Variants in KSR2 observed in about 807,000 individuals in gnomAD.
KSR2 encodes the protein kinase suppressor of ras 2.
In KSR2, 25 loss-of-function variants were observed where a neutral mutation model predicts 107.8. The ratio of observed to expected loss-of-function variants is 0.23; its 90% CI spans 0.17 to 0.32. The LOEUF (loss-of-function observed/expected upper bound fraction) is 0.32. KSR2 is among the 10% of genes least tolerant of loss of function. The probability of loss-of-function intolerance (pLI) is 1.00; values close to 1 mark genes in which losing one functional copy is unlikely to be tolerated. For synonymous variants in KSR2, 480 were observed against 507.0 expected (o/e 0.95, Z 0.71); for missense variants, 887 against 1,268.9 (o/e 0.70, Z 4.57).
chr12:117,559,899 C>T (rs1157492133), intron 7 of KSR2, among the ~76,000 whole-genome samples: 3 of 152,202 alleles, frequency 2.0e-5, no homozygotes, highest in Admixed American at 2.0e-4. Context: ...ACATACCAGT[C>T]TAACTTCCAG....
intron 1 of KSR2, among the ~76,000 whole-genome samples, chr12:117,941,899 T>A (rs1330984004): frequency 6.8e-6 from 1 of 146,784 alleles, no homozygotes; most frequent in Non-Finnish European, 1.5e-5. Flanking sequence ...TGCCTCAGCC[T>A]CCCAGAGTGC....
At chr12:117,880,230 T>C (rs891504309) in intron 1 of KSR2, among the ~76,000 whole-genome samples, 7 of 152,240 alleles carry the variant, frequency 4.6e-5, no homozygotes, top group African/African-American at 1.7e-4. Flanking sequence ...AATGAATTTT[T>C]GCTTTAATAA....
chr12:117,815,990 AGTGTGTGTGTGT>A (rs35013081), intron 3 of KSR2, among the ~76,000 whole-genome samples: 7,948 of 113,656 alleles, frequency 0.07, 326 homozygotes, highest in East Asian at 0.2. Flanking sequence ...AAAAAAATAA[AGTGTGTGTGTGT>A]GTGTGTGTGT....
intron 5 of KSR2, among the ~76,000 whole-genome samples, chr12:117,614,225 C>T (rs1322345335): frequency 6.6e-6 from 1 of 152,076 alleles, no homozygotes; most frequent in African/African-American, 2.4e-5. Flanking sequence ...CAGAAAAAAA[C>T]TTAAAAAGGA....
intron 3 of KSR2, among the ~76,000 whole-genome samples, chr12:117,836,250 A>C (rs768498332): frequency 3.3e-5 from 5 of 152,124 alleles, no homozygotes; most frequent in Admixed American, 2.6e-4. Context: ...AACTGTCGGT[A>C]CCCATCATGG....
intron 5 of KSR2, among the ~76,000 whole-genome samples, chr12:117,604,824 G>A (rs1367365745): frequency 1.3e-5 from 2 of 152,174 alleles, no homozygotes; most frequent in Non-Finnish European, 2.9e-5. Flanking sequence ...TGGAAACTAT[G>A]CACCCATCTG....
intron 5 of KSR2, among the ~76,000 whole-genome samples, chr12:117,590,336 G>C (rs1880246489): frequency 6.6e-6 from 1 of 152,168 alleles, no homozygotes; most frequent in African/African-American, 2.4e-5. Context: ...GTGCAGTGTG[G>C]GAGAGAGAGC....
chr12:117,635,359 C>T (rs906545522), intron 5 of KSR2, among the ~76,000 whole-genome samples: 1 of 152,100 alleles, frequency 6.6e-6, no homozygotes, highest in South Asian at 2.1e-4. Context: ...AGATGAATAA[C>T]CTAGAAGTTA....
intron 14 of KSR2, among the ~76,000 whole-genome samples, chr12:117,499,223 C>A (rs1873220480): frequency 1.3e-5 from 2 of 152,362 alleles, no homozygotes; most frequent in Admixed American, 1.3e-4. Context: ...AAACTGTACA[C>A]ATATATCACC....
chr12:117,747,433 G>A (rs919605503), intron 4 of KSR2, among the ~76,000 whole-genome samples: 4 of 151,796 alleles, frequency 2.6e-5, no homozygotes, highest in Non-Finnish European at 5.9e-5. Flanking sequence ...GGGCCTGTTG[G>A]GGGGTGGGGG....
At chr12:117,610,690 G>A (rs1881542459) in intron 5 of KSR2, among the ~76,000 whole-genome samples, 1 of 143,876 alleles carries the variant, frequency 7.0e-6, no homozygotes, top group Non-Finnish European at 1.5e-5. Flanking sequence ...AGTGAGCCAT[G>A]ATTGCACCAC....
rs59506127 is a variant in KSR2 at position 117,559,041 on chromosome 12, A to AGGATGGATGGATGGAT, written c.1326-484_1326-469dup. Among the ~76,000 whole-genome samples, 53 of 145,456 alleles carry AGGATGGATGGATGGAT rather than the reference A, an allele frequency of 3.6e-4. No homozygotes were observed. In the East Asian group the frequency reaches 6.4e-3, roughly 18 times the overall value. ...ATAAATGGATAGATGGATGGATGGA[A>AGGATGGATGGATGGAT]GGATGGATGGATGGATGGATGGATG... On this transcript the variant is annotated intron_variant, in intron 7 of 19. Coordinates refer to ENST00000339824, the MANE Select transcript of KSR2 (RefSeq NM_173598.6).
chr12:117,501,420 C>T (rs1158122511), intron 14 of KSR2, among the ~76,000 whole-genome samples: 1 of 152,196 alleles, frequency 6.6e-6, no homozygotes, highest in East Asian at 1.9e-4. Context: ...CAATTTCAGC[C>T]ATTCTCCTCT....
intron 1 of KSR2, among the ~76,000 whole-genome samples, chr12:117,916,046 C>T (rs190084497): frequency 5.3e-5 from 8 of 151,744 alleles, no homozygotes; most frequent in South Asian, 4.2e-4. Context: ...AACTAGGACA[C>T]GTGAAATTTT....
chr12:117,968,679 T>G lies in KSR2; in HGVS notation c.-424A>C. The stretch of plus-strand genomic sequence containing the variant: ...AGGAGGAGGAGAAGGAAAATAGCGC[T>G]CACTCTTTACACACCGGCTCCTTGA... On this transcript the variant is annotated 5_prime_UTR_variant, in exon 1 of 20. Coordinates refer to ENST00000339824, the MANE Select transcript of KSR2 (RefSeq NM_173598.6). 1 of 181,070 alleles carries G rather than the reference T, an allele frequency of 5.5e-6. No homozygotes were observed. The highest frequency in any genetic ancestry group is 1.1e-5 in the Non-Finnish European group (1 of 88,114). 11.2% of individuals were successfully genotyped at this position (181,070 alleles called of 1,614,324 possible).
At chr12:117,788,607 T>C (rs1028765444) in intron 3 of KSR2, among the ~76,000 whole-genome samples, 2 of 152,186 alleles carry the variant, frequency 1.3e-5, no homozygotes, top group African/African-American at 2.4e-5. Context: ...GTTTAAGCAT[T>C]TCTCCTGCCT....
Position 117,582,344 on chromosome 12 carries a change from G to A in KSR2, c.1187C>T (p.Pro396Leu). 1.2e-6 allele frequency: 2 copies of A among 1,613,692 alleles called. No individual in the cohort carries two copies. The highest frequency in any genetic ancestry group is 1.7e-6 in the Non-Finnish European group (2 of 1,179,748). Residue 396 changes from proline to leucine, a missense_variant, in exon 6 of 20, where the codon CCA (proline) becomes CTA (leucine). Pro to Leu is a moderately conservative substitution (Grantham distance 98). Coordinates refer to ENST00000339824, the MANE Select transcript of KSR2 (RefSeq NM_173598.6). ...ANFSANTLSV[P>L]RWSPQIPRRD... ...GCGAGGGATCTGCGGGGACCAGCGT[G>A]GCACTGACAGTGTGTCTACAGAGAG...
At chr12:117,710,113 C>G (rs975689467) in intron 4 of KSR2, among the ~76,000 whole-genome samples, 1 of 152,068 alleles carries the variant, frequency 6.6e-6, no homozygotes, top group African/African-American at 2.4e-5. Flanking sequence ...TTGAATCGAG[C>G]CCTGAATCTG....
chr12:117,554,625 C>T (rs1419191824), intron 9 of KSR2, among the ~76,000 whole-genome samples: 1 of 152,140 alleles, frequency 6.6e-6, no homozygotes, highest in East Asian at 1.9e-4. Flanking sequence ...GAATAAGCCT[C>T]ACAAGATATG....
Sources: gnomAD v4.1 joint callset for allele counts (sites outside exome capture counted in the v4.1 genomes callset) on GRCh38, gnomAD v4.1.1 for gene constraint, MANE v1.5 for transcripts, NCBI Gene and HGNC (gene_info 2026-07-23, HGNC 2026-07-21) for gene names.